The following ATOSA variants were observed in gnomAD, a reference collection of about 807,000 sequenced individuals.
The protein encoded by ATOSA is atos homolog A.
chr15:52,616,994 CTAAAG>C, the ATOSA span, among the ~76,000 whole-genome samples: 2 of 151,852 alleles, frequency 1.3e-5, no homozygotes, highest in African/African-American at 4.8e-5. Flanking sequence ...TGACTAGTAA[CTAAAG>C]TATATTGTTA....
At chr15:52,698,410 TAAAAG>T in the ATOSA span, among the ~76,000 whole-genome samples, 1 of 152,180 alleles carries the variant, frequency 6.6e-6, no homozygotes, top group African/African-American at 2.4e-5. Flanking sequence ...TCTTTATACT[TAAAAG>T]AAATTAGTGC....
the ATOSA span, among the ~76,000 whole-genome samples, chr15:52,597,337 G>C: frequency 7.2e-5 from 11 of 152,008 alleles, no homozygotes; most frequent in African/African-American, 2.4e-4. Flanking sequence ...AATGTTTATA[G>C]CAGCTTTATT....
the ATOSA span, among the ~76,000 whole-genome samples, chr15:52,626,306 T>G: frequency 6.6e-6 from 1 of 152,164 alleles, no homozygotes; most frequent in African/African-American, 2.4e-5. Context: ...GGGAAAAGTC[T>G]AGATCATGTG....
At chr15:52,621,644 CTGA>C in the ATOSA span, among the ~76,000 whole-genome samples, 424 of 152,180 alleles carry the variant, frequency 2.8e-3, 2 homozygotes, top group Admixed American at 7.1e-3. Flanking sequence ...CTCATGAGAT[CTGA>C]TGGTTTTATA....
At chr15:52,613,670 C>T in the ATOSA span, 24 of 1,613,216 alleles carry the variant, frequency 1.5e-5, no homozygotes, top group Non-Finnish European at 2.0e-5. Context: ...ACAAGATTCT[C>T]ACCTGGGCCA....
the ATOSA span, chr15:52,584,992 A>AT: frequency 6.8e-7 from 1 of 1,461,818 alleles, no homozygotes; most frequent in Non-Finnish European, 9.3e-7. Flanking sequence ...TGATTTGTTG[A>AT]TGTGATTCAG....
the ATOSA span, among the ~76,000 whole-genome samples, chr15:52,644,108 G>T: frequency 4.0e-5 from 6 of 150,302 alleles, no homozygotes; most frequent in Non-Finnish European, 8.9e-5. Context: ...TTAATTTTTG[G>T]AAAGATGGTC....
chr15:52,600,014 A>G, the ATOSA span: 749 of 503,222 alleles, frequency 1.5e-3, 2 homozygotes, highest in Admixed American at 2.5e-3. Context: ...AAGGCTTGAA[A>G]AAAGACAATT....
chr15:52,590,836 T>G, the ATOSA span: 4 of 152,306 alleles, frequency 2.6e-5, no homozygotes, highest in East Asian at 7.7e-4. Context: ...AATTTTTTCA[T>G]AGGAAAAATA....
the ATOSA span, among the ~76,000 whole-genome samples, chr15:52,588,073 G>T: frequency 6.6e-6 from 1 of 152,152 alleles, no homozygotes; most frequent in African/African-American, 2.4e-5. Context: ...AGGATATCAG[G>T]AGTCCTCCAG....
At chr15:52,641,751 G>A in the ATOSA span, among the ~76,000 whole-genome samples, 1 of 152,172 alleles carries the variant, frequency 6.6e-6, no homozygotes, top group Non-Finnish European at 1.5e-5. Flanking sequence ...TATAAGGTTG[G>A]TAAGAACAGA....
the ATOSA span, among the ~76,000 whole-genome samples, chr15:52,610,544 TA>T: frequency 1.3e-5 from 2 of 152,240 alleles, no homozygotes; most frequent in Non-Finnish European, 2.9e-5. Flanking sequence ...ATAATTCTGA[TA>T]AAACCAATGT....
chr15:52,630,594 TA>T, the ATOSA span, among the ~76,000 whole-genome samples: 1 of 152,192 alleles, frequency 6.6e-6, no homozygotes, highest in Non-Finnish European at 1.5e-5. Context: ...CTAGTAAAGG[TA>T]CACACTGGTG....
At chr15:52,598,030 A>G in the ATOSA span, among the ~76,000 whole-genome samples, 25 of 152,272 alleles carry the variant, frequency 1.6e-4, no homozygotes, top group African/African-American at 5.1e-4. Context: ...AGGCTGAGGC[A>G]GGAGAACTGC....
chr15:52,678,186 T>C, the ATOSA span: 1 of 802,776 alleles, frequency 1.2e-6, no homozygotes, highest in Non-Finnish European at 2.1e-6. Context: ...GCAAGTAAAC[T>C]ACTGTTAAGT....
At chr15:52,589,944 C>T in the ATOSA span, among the ~76,000 whole-genome samples, 6 of 151,974 alleles carry the variant, frequency 3.9e-5, no homozygotes, top group South Asian at 2.1e-4. Flanking sequence ...CCCACCATCA[C>T]GCCCAGCTAA....
chr15:52,599,394 G>C, the ATOSA span, among the ~76,000 whole-genome samples: 2 of 152,248 alleles, frequency 1.3e-5, no homozygotes, highest in African/African-American at 4.8e-5. Flanking sequence ...TTTCCACTAA[G>C]ACTGTGAAAG....
At chr15:52,642,659 CCT>C in the ATOSA span, among the ~76,000 whole-genome samples, 4 of 152,130 alleles carry the variant, frequency 2.6e-5, no homozygotes, top group South Asian at 4.1e-4. Flanking sequence ...ACTTACGCCT[CCT>C]CTCTCTCACT....
the ATOSA span, among the ~76,000 whole-genome samples, chr15:52,662,483 A>G: frequency 6.6e-6 from 1 of 152,308 alleles, no homozygotes; most frequent in Admixed American, 6.5e-5. Flanking sequence ...AAAACAACAG[A>G]CATAGGGCCG....
Sources: allele counts gnomAD v4.1 joint callset (sites outside exome capture counted in the v4.1 genomes callset), GRCh38; gene constraint gnomAD v4.1.1; transcripts MANE v1.5; gene names NCBI Gene and HGNC (gene_info 2026-07-23, HGNC 2026-07-21).